Variants in HERC2 observed in about 807,000 individuals in gnomAD.
HERC2 encodes the protein E3 ubiquitin-protein ligase HERC2.
HERC2 carries 102 observed loss-of-function variants against 537.7 expected under a neutral mutation model. The observed-to-expected ratio is 0.19, with a 90% CI of 0.16 to 0.22. The LOEUF is 0.22. Ranked by LOEUF, HERC2 falls within the 10% of genes least tolerant of loss-of-function variation. The pLI is 1.00. For synonymous variants in HERC2, 2,224 were observed against 2,466.2 expected (o/e 0.90, Z 2.91); for missense variants, 4,236 against 6,198.2 (o/e 0.68, Z 10.63).
intron 69 of HERC2, among the ~76,000 whole-genome samples, chr15:28,159,779 C>T (rs1893385727): frequency 1.3e-5 from 2 of 152,236 alleles, no homozygotes. Context: ...TGGTGAGGAG[C>T]TGCGTTCCTT....
chr15:28,112,029 C>T lies in HERC2; in HGVS notation c.14239G>A (p.Asp4747Asn). The change falls in exon 93 of 93, where the codon GAT (aspartate) becomes AAT (asparagine). Residue 4747 changes from aspartate to asparagine, a missense_variant. Around this residue, in one of 27 missense-constraint regions of HERC2, gnomAD observed 313 missense variants for 462.6 expected, o/e 0.68. Transcript: ENST00000261609. ...RGRDFVIQVLDKYNPPDHFLP... is the reference protein window; with the variant it reads ...RGRDFVIQVLNKYNPPDHFLP... ...AAGTGGTCTGGAGGGTTGTATTTATCCAACACCTGTTGAGCAGAAACATGA... is the reference window on the plus strand; with the variant it reads ...AAGTGGTCTGGAGGGTTGTATTTATTCAACACCTGTTGAGCAGAAACATGA... The T allele has an allele frequency of 1.9e-6, 3 of 1,613,578 alleles. No individual in the cohort carries two copies. The highest frequency in any genetic ancestry group is 2.5e-6 in the Non-Finnish European group (3 of 1,179,608).
chr15:28,309,098 C>T (rs1336235348), intron 2 of HERC2, among the ~76,000 whole-genome samples: 3 of 152,174 alleles, frequency 2.0e-5, no homozygotes, highest in African/African-American at 4.8e-5. Context: ...ACCTTGAGGA[C>T]GATCCATGTG....
At position 28,176,694 on chromosome 15, in the gene HERC2, G is replaced by T. The variant is rs140487401; in HGVS notation, c.9507C>A (p.Thr3169=). 2.1e-5 allele frequency: 34 copies of T among 1,613,780 alleles called. No homozygotes were observed. In the South Asian group the frequency reaches 3.5e-4, roughly 17 times the overall value. The part of the protein sequence containing the change: ...GSRDAQTLAL[T]DEGLVFSWGD... ...ATCCTGCCAGCCACTCACCTTCATC[G>T]GTCAGAGCCAGGGTCTGCGCGTCTC... The change falls in exon 62 of 93, where the codon ACC becomes ACA. Residue 3169 remains threonine, a synonymous_variant. Coordinates refer to ENST00000261609, the MANE Select transcript of HERC2 (RefSeq NM_004667.6). The surrounding 1 kb of genome is among the most constrained non-coding windows in gnomAD (Gnocchi z 5.0).
chr15:28,296,625 T>C lies in HERC2; in HGVS notation c.187+2777A>G, dbSNP rs532939225. On this transcript the variant is annotated intron_variant, in intron 3 of 92. Coordinates refer to ENST00000261609, the MANE Select transcript of HERC2 (RefSeq NM_004667.6). ...GGAAAAATTTTAATTTATAAACAAA[T>C]ACTGGAGGGCTAGGAAGAAGAGGTT... Among the ~76,000 whole-genome samples the C allele has an allele frequency of 1.4e-4, 20 of 145,580 alleles. No homozygotes were observed. In the Admixed American group the frequency reaches 1.4e-3, roughly 10 times the overall value.
chr15:28,116,567 C>CAAG, intron 88 of HERC2, 98 bp downstream of exon 88: 1 of 1,206,374 alleles, frequency 8.3e-7, no homozygotes, highest in Non-Finnish European at 1.2e-6. Context: ...AGCAGATATT[C>CAAG]AAGATATCTA....
At position 28,191,184 on chromosome 15, in the gene HERC2, C is replaced by T. The variant is rs1442941861; in HGVS notation, c.8512G>A (p.Asp2838Asn). The change falls in exon 54 of 93, where the codon GAT (aspartate) becomes AAT (asparagine). Residue 2838 changes from aspartate (D) to asparagine (N), a missense_variant. Transcript: ENST00000261609. ...GGCATGTAGCTACTGTCAGCAGGAT[C>T]TACGATCATTTTTAATCTATGAACA... ...VLVHRLKMIV[D>N]PADSSYMPSL... 3.1e-6 allele frequency: 5 copies of T among 1,613,836 alleles called. No homozygotes were observed. In the African/African-American group the frequency reaches 5.3e-5, roughly 17 times the overall value.
chr15:28,264,575 C>T (rs760591473), intron 14 of HERC2, among the ~76,000 whole-genome samples: 4 of 152,196 alleles, frequency 2.6e-5, no homozygotes, highest in Non-Finnish European at 5.9e-5. Context: ...CACTTCCCTA[C>T]AAGATCTGCA....
At chr15:28,311,233 G>A (rs2076936565) in intron 2 of HERC2, among the ~76,000 whole-genome samples, 1 of 151,766 alleles carries the variant, frequency 6.6e-6, no homozygotes, top group Admixed American at 6.6e-5. Context: ...GGGAGGCCGA[G>A]GTGGGCAGAC....
At chr15:28,287,385 C>T (rs1436572780) in intron 4 of HERC2, among the ~76,000 whole-genome samples, 1 of 152,164 alleles carries the variant, frequency 6.6e-6, no homozygotes, top group Non-Finnish European at 1.5e-5. Flanking sequence ...AGCTCTGTAC[C>T]TGTGAGCAAG....
rs558211842 is a variant in HERC2 at position 28,224,297 on chromosome 15, C to T, written c.5465-2082G>A. On this transcript the variant is annotated intron_variant, in intron 35 of 92. Coordinates refer to ENST00000261609, the MANE Select transcript of HERC2 (RefSeq NM_004667.6). ...AGTGCAGTGGCTTTATCTCCGCTCACTGCAACCTCTGCCTCCCGGGCTCAA... is the reference window on the plus strand; with the variant it reads ...AGTGCAGTGGCTTTATCTCCGCTCATTGCAACCTCTGCCTCCCGGGCTCAA... 2.0e-5 allele frequency among the ~76,000 whole-genome samples: 3 copies of T among 152,142 alleles called. No individual in the cohort carries two copies. In the East Asian group the frequency reaches 5.8e-4, roughly 29 times the overall value.
chr15:28,310,813 G>A (rs2076920944), intron 2 of HERC2, among the ~76,000 whole-genome samples: 1 of 151,978 alleles, frequency 6.6e-6, no homozygotes, highest in Admixed American at 6.6e-5. Flanking sequence ...CACGGTGGCT[G>A]ACGCCTGTAA....
Position 28,222,194 on chromosome 15 carries a change from T to G in HERC2, c.5486A>C (p.Glu1829Ala). 1 of 1,593,364 alleles carries G rather than the reference T, an allele frequency of 6.3e-7. No homozygotes were observed. Among genetic ancestry groups the G allele is most frequent in the South Asian group, 1.1e-5 (1 of 90,908 alleles). ...TTGAGCAGAAGCATTCATATCTTCC[T>G]CAACGTTGTCACAACTGGGGCCTGA... ...RLIGPSCDNV[E>A]EDMNASAQGA... is the part of the protein sequence containing the mutation. Residue 1829 changes from glutamate to alanine, a missense_variant, in exon 36 of 93, where the codon GAG (glutamate) becomes GCG (alanine). By Grantham distance (107) the Glu-to-Ala change is moderately radical. Coordinates refer to ENST00000261609, the MANE Select transcript of HERC2 (RefSeq NM_004667.6).
chr15:28,180,570 G>C (rs1009980405), intron 57 of HERC2, among the ~76,000 whole-genome samples: 3 of 152,180 alleles, frequency 2.0e-5, no homozygotes, highest in Admixed American at 1.3e-4. Flanking sequence ...ACAGCTGCTG[G>C]TAACTATGGA....
chr15:28,260,742 C>T (rs938801229), intron 16 of HERC2, 35 bp downstream of exon 16: 1 of 1,582,332 alleles, frequency 6.3e-7, no homozygotes. Context: ...AACCAAAATC[C>T]TCCAAAATAC....
At chr15:28,117,450 C>G (rs1310823564) in intron 86 of HERC2, 4 of 665,408 alleles carry the variant, frequency 6.0e-6, no homozygotes, top group Admixed American at 2.1e-5. Context: ...ACCACCACCA[C>G]GTCCACAGCT....
chr15:28,306,542 T>C (rs577868430), intron 2 of HERC2, among the ~76,000 whole-genome samples: 2 of 152,350 alleles, frequency 1.3e-5, no homozygotes, highest in South Asian at 2.1e-4. Flanking sequence ...TTTTTGATTA[T>C]GTCTTTGTCT....
intron 50 of HERC2, among the ~76,000 whole-genome samples, chr15:28,196,985 T>C (rs1897404517): frequency 6.6e-6 from 1 of 152,274 alleles, no homozygotes; most frequent in African/African-American, 2.4e-5. Context: ...CTTTCGTCCT[T>C]TGATAAGAGC....
At chr15:28,277,282 A>G (rs2075899724) in intron 5 of HERC2, among the ~76,000 whole-genome samples, 1 of 152,054 alleles carries the variant, frequency 6.6e-6, no homozygotes, top group South Asian at 2.1e-4. Flanking sequence ...AAAGAAATAC[A>G]CACACAATTG....
intron 20 of HERC2, among the ~76,000 whole-genome samples, chr15:28,252,313 GAC>G (rs2075109717): frequency 6.6e-6 from 1 of 151,914 alleles, no homozygotes. Flanking sequence ...GCAAGCAGGA[GAC>G]GGGGAAAACG....
Sources: gnomAD v4.1 joint callset for allele counts (sites outside exome capture counted in the v4.1 genomes callset) on GRCh38, gnomAD v4.1.1 for gene constraint, gnomAD v4.1.1 regional missense constraint, Gnocchi (gnomAD v3.1) non-coding constraint, MANE v1.5 for transcripts, NCBI Gene and HGNC (gene_info 2026-07-23, HGNC 2026-07-21) for gene names.